NFXL1: variants seen among roughly 807,000 people sequenced by gnomAD.
The protein encoded by NFXL1 is nuclear transcription factor, X-box binding like 1.
A neutral mutation model predicts 123.3 loss-of-function variants in NFXL1; 66 were observed. The ratio of observed to expected loss-of-function variants is 0.54; its 90% CI spans 0.44 to 0.66. The LOEUF is 0.66. Ranked by LOEUF, NFXL1 falls within the 30% of genes least tolerant of loss-of-function variation. The probability of loss-of-function intolerance (pLI) is 0.00; values close to 1 mark genes in which losing one functional copy is unlikely to be tolerated. For synonymous variants in NFXL1, 346 were observed against 360.8 expected, an observed-to-expected ratio of 0.96 and a Z score of 0.46; for missense variants, 944 against 1,125.6, an observed-to-expected ratio of 0.84 and a Z score of 2.31.
chr4:47,855,124 C>T lies in NFXL1; in HGVS notation c.2356G>A (p.Gly786Ser), dbSNP rs1359376299. 83 of 1,589,178 alleles carry T rather than the reference C, an allele frequency of 5.2e-5. No individual in the cohort carries two copies. The highest frequency in any genetic ancestry group is 7.0e-5 in the Non-Finnish European group (81 of 1,163,868). ...TGGTTGCAGTTAAAGGGACATTCACCAGGATGACACATCTCTTTGCATCTA... is the reference window on the plus strand; with the variant it reads ...TGGTTGCAGTTAAAGGGACATTCACTAGGATGACACATCTCTTTGCATCTA... ...GHRCKEMCHPGECPFNCNQKV... is the reference protein window; with the variant it reads ...GHRCKEMCHPSECPFNCNQKV... The change falls in exon 20 of 23, where the codon GGT becomes AGT. Residue 786 changes from glycine to serine, a missense_variant. Gly to Ser is a moderately conservative substitution (Grantham distance 56). Transcript: ENST00000507489.
chr4:47,867,935 C>G (rs1735196328), intron 18 of NFXL1, among the ~76,000 whole-genome samples: 1 of 152,154 alleles, frequency 6.6e-6, no homozygotes, highest in African/African-American at 2.4e-5. Context: ...CTTGGAGAAA[C>G]TACTAGAGGA....
At chr4:47,872,393 C>T (rs998087845) in intron 18 of NFXL1, among the ~76,000 whole-genome samples, 1 of 149,040 alleles carries the variant, frequency 6.7e-6, no homozygotes, top group African/African-American at 2.5e-5. Context: ...ACCCAGGAGG[C>T]AGAGATTGCA....
At chr4:47,898,559 T>C (rs1352256262) in intron 8 of NFXL1, among the ~76,000 whole-genome samples, 198 bp downstream of exon 8, 2 of 152,156 alleles carry the variant, frequency 1.3e-5, no homozygotes, top group Non-Finnish European at 2.9e-5. Context: ...GCTGTTACTT[T>C]GAAAAAAATT....
Position 47,914,272 on chromosome 4 carries a change from G to A in NFXL1, c.-2-67C>T, listed in dbSNP as rs188317784. The A allele has an allele frequency of 1.8e-4, 221 of 1,251,644 alleles. 6 individuals are homozygous for A. The East Asian group carries it at 3.0e-3, about 17-fold the overall frequency. 77.5% of individuals were successfully genotyped at this position (1,251,644 alleles called of 1,614,324 possible). On this transcript the variant is annotated intron_variant, in intron 1 of 22. Transcript: ENST00000507489. ...GCGCAGCGAGGACCGAGGCGAAGGA[G>A]GGTCAGTGCGGAAACCCGGTGTGAG...
intron 4 of NFXL1, among the ~76,000 whole-genome samples, chr4:47,903,658 GTCTTT>G (rs1737442752): frequency 6.6e-6 from 1 of 151,832 alleles, no homozygotes; most frequent in Non-Finnish European, 1.5e-5. Context: ...TAACTTTATA[GTCTTT>G]TCTATAAGCA....
chr4:47,912,898 A>T (rs1054779697), intron 2 of NFXL1, among the ~76,000 whole-genome samples: 1 of 149,532 alleles, frequency 6.7e-6, no homozygotes, highest in Non-Finnish European at 1.5e-5. Context: ...CTGTAGTCCC[A>T]GCTACTCGGG....
At chr4:47,849,287 A>C (rs577399522) in intron 22 of NFXL1, among the ~76,000 whole-genome samples, 12 of 152,326 alleles carry the variant, frequency 7.9e-5, no homozygotes, top group African/African-American at 2.9e-4. Context: ...AAAGACGATA[A>C]CTGAATTGCA....
intron 2 of NFXL1, among the ~76,000 whole-genome samples, chr4:47,912,727 G>T (rs1213812949): frequency 1.4e-5 from 2 of 144,990 alleles, no homozygotes; most frequent in Non-Finnish European, 3.0e-5. Flanking sequence ...CAAAGTGCTG[G>T]GATTACAGGC....
chr4:47,884,869 G>C (rs1410009112), intron 14 of NFXL1, among the ~76,000 whole-genome samples: 3 of 152,132 alleles, frequency 2.0e-5, no homozygotes, highest in East Asian at 1.9e-4. Flanking sequence ...CCTCACACCT[G>C]TAATCCCAGC....
intron 12 of NFXL1, among the ~76,000 whole-genome samples, chr4:47,887,747 C>T (rs1239875840): frequency 1.3e-5 from 2 of 152,096 alleles, no homozygotes; most frequent in African/African-American, 4.8e-5. Flanking sequence ...TTATTCTAAA[C>T]AACAGTATCA....
At chr4:47,890,345 G>A (rs527845952) in intron 12 of NFXL1, among the ~76,000 whole-genome samples, 1 of 152,184 alleles carries the variant, frequency 6.6e-6, no homozygotes, top group African/African-American at 2.4e-5. Flanking sequence ...GTTATAGAAA[G>A]GACAATACTT....
chr4:47,882,556 T>A lies in NFXL1; in HGVS notation c.1916+1790A>T, dbSNP rs1223837017. ...AACTATAGAGCTGTTCTACTTCCAA[T>A]CTAATTATGTGAGGGATAAATGTTA... On this transcript the variant is annotated intron_variant, in intron 15 of 22. Coordinates refer to ENST00000507489, the MANE Select transcript of NFXL1 (RefSeq NM_001278624.2). Among the ~76,000 whole-genome samples the A allele has an allele frequency of 5.3e-5, 8 of 152,342 alleles. No homozygotes were observed. In the East Asian group the frequency reaches 1.5e-3, roughly 29 times the overall value.
rs1734906736 is a variant in NFXL1, at chr4:47,863,901, T to C, written c.2247-986A>G. 2.0e-5 allele frequency among the ~76,000 whole-genome samples: 3 copies of C among 152,168 alleles called. No homozygotes were observed. In the South Asian group the frequency reaches 6.2e-4, roughly 32 times the overall value. ...CACTTTTCTGTTTCCCATACCTTTT[T>C]TCTCCTTTCCTTTTTTCTGTATTTT... On this transcript the variant is annotated intron_variant, in intron 18 of 22. Transcript: ENST00000507489.
chr4:47,896,647 T>G lies in NFXL1; in HGVS notation c.1205A>C (p.Lys402Thr), dbSNP rs1286118122. ...GKRFCPCQKS[K>T]FSLPCTEDVP... Reference sequence around the variant, plus strand: ...ATCTTCTGTACAAGGCAAAGAAAACTCTAAAAACATACAAAAAGTCAATGT... The same window carrying G: ...ATCTTCTGTACAAGGCAAAGAAAACGCTAAAAACATACAAAAAGTCAATGT... The change falls in exon 10 of 23, where the codon AAG becomes ACG. Residue 402 changes from lysine to threonine, a missense_variant and splice_region_variant. Physicochemically the swap from Lys to Thr is moderately conservative, Grantham distance 78 (BLOSUM62 -1). Coordinates refer to ENST00000507489, the MANE Select transcript of NFXL1 (RefSeq NM_001278624.2). 5.6e-6 allele frequency: 9 copies of G among 1,601,534 alleles called. No homozygotes were observed. In the East Asian group the frequency reaches 2.0e-4, roughly 36 times the overall value.
intron 18 of NFXL1, among the ~76,000 whole-genome samples, chr4:47,874,258 G>C (rs1402838217): frequency 7.9e-5 from 12 of 152,192 alleles, no homozygotes; most frequent in Admixed American, 7.9e-4. Context: ...TTTGGTGCAA[G>C]AGACCTAACT....
intron 15 of NFXL1, among the ~76,000 whole-genome samples, chr4:47,880,551 A>T (rs1370337025): frequency 6.6e-6 from 1 of 151,940 alleles, no homozygotes; most frequent in African/African-American, 2.4e-5. Context: ...CAAATAACGC[A>T]ATATAAAAAT....
At chr4:47,855,946 G>A (rs1157929956) in intron 19 of NFXL1, among the ~76,000 whole-genome samples, 1 of 152,046 alleles carries the variant, frequency 6.6e-6, no homozygotes, top group Non-Finnish European at 1.5e-5. Context: ...TCACCATAAT[G>A]GCCTGATATA....
rs755494951 is a variant in NFXL1 at position 47,878,528 on chromosome 4, G to T, written c.2076C>A (p.Asn692Lys). ...VTKTDGCTGK[N>K]KAGPECLHCE... The stretch of plus-strand genomic sequence containing the variant: ...ACATTCAATCTAAGAACATTACCTT[G>T]TTTTTTCCAGTGCAGCCATCAGTTT... The change falls in exon 17 of 23, where the codon AAC (asparagine) becomes AAA (lysine). Residue 692 changes from asparagine to lysine, a missense_variant. By Grantham distance (94) the Asn-to-Lys change is moderately conservative. Transcript: ENST00000507489. The T allele has an allele frequency of 6.4e-7, 1 of 1,571,170 alleles. No individual in the cohort carries two copies. The highest frequency in any genetic ancestry group is 1.2e-5 in the South Asian group (1 of 83,812).
Position 47,848,094 on chromosome 4 carries a change from T to G in NFXL1, c.*69A>C. The G allele has an allele frequency of 1.1e-6, 1 of 951,310 alleles. No homozygotes were observed. The highest frequency in any genetic ancestry group is 1.7e-5 in the African/African-American group (1 of 60,064). 58.9% of individuals were successfully genotyped at this position (951,310 alleles called of 1,614,324 possible). On this transcript the variant is annotated 3_prime_UTR_variant, in exon 23 of 23. Coordinates refer to ENST00000507489, the MANE Select transcript of NFXL1 (RefSeq NM_001278624.2). ...TATATCATGTTCTATAATATACATT[T>G]TCTAATATTTCAAATTTAACAACTT...
Sources: allele counts gnomAD v4.1 joint callset (sites outside exome capture counted in the v4.1 genomes callset), GRCh38; gene constraint gnomAD v4.1.1; transcripts MANE v1.5; gene names NCBI Gene and HGNC (gene_info 2026-07-23, HGNC 2026-07-21).